Variants in BAZ2A observed in about 807,000 individuals in gnomAD.
BAZ2A encodes the protein bromodomain adjacent to zinc finger domain protein 2A.
Under a neutral mutation model 199.9 loss-of-function variants are expected in BAZ2A, and 34 were observed. That is an observed-to-expected ratio of 0.17 (90% CI 0.13 to 0.23). The LOEUF is 0.23. Ranked by LOEUF, BAZ2A falls within the 10% of genes least tolerant of loss-of-function variation. The pLI is 1.00. For missense variants in BAZ2A, 2,002 were observed against 2,391.1 expected (o/e 0.84, Z 3.39); for synonymous variants, 857 against 883.9 (o/e 0.97, Z 0.54).
At position 56,609,831 on chromosome 12, in the gene BAZ2A, T is replaced by C. The variant is rs1950504586; in HGVS notation, c.1997A>G (p.Lys666Arg). 1.2e-6 allele frequency: 2 copies of C among 1,613,872 alleles called. No individual in the cohort carries two copies. Among genetic ancestry groups the C allele is most frequent in the African/African-American group, 2.7e-5 (2 of 75,024 alleles). Residue 666 changes from lysine (K) to arginine (R), a missense_variant, in exon 10 of 29, where the codon AAG (lysine) becomes AGG (arginine). By Grantham distance (26) the Lys-to-Arg change is conservative. Transcript: ENST00000549884. ...TEKAKTKEVP[K>R]VKRGRGRPPK... is the part of the protein sequence containing the mutation. The stretch of plus-strand genomic sequence containing the variant: ...TGGCCGACCTCGACCCCGTTTCACC[T>C]TGGGGACTTCCTTAGTCTTAGCCTT...
intron 1 of BAZ2A, 170 bp downstream of exon 1, chr12:56,629,955 G>A (rs1466015668): frequency 1.2e-5 from 5 of 418,592 alleles, no homozygotes; most frequent in Non-Finnish European, 1.6e-5. Context: ...CCAGACCCCA[G>A]AGCAAGGAGA....
intron 2 of BAZ2A, among the ~76,000 whole-genome samples, chr12:56,616,283 G>A (rs1046363969): frequency 6.6e-6 from 1 of 152,114 alleles, no homozygotes; most frequent in Non-Finnish European, 1.5e-5. Context: ...ATTCCCTAGG[G>A]GATTTCTTCC....
At position 56,617,422 on chromosome 12, in the gene BAZ2A, G is replaced by A. The variant is rs1950758577; in HGVS notation, c.109C>T (p.Pro37Ser). 6.2e-7 allele frequency: 1 copy of A among 1,603,532 alleles called. No individual in the cohort carries two copies. Among genetic ancestry groups the A allele is most frequent in the African/African-American group, 1.3e-5 (1 of 74,642 alleles). Residue 37 changes from proline to serine, a missense_variant, in exon 2 of 29, where the codon CCC becomes TCC. Around this residue, in one of 6 missense-constraint regions of BAZ2A, gnomAD observed 641 missense variants for 694.5 expected, o/e 0.92. Transcript: ENST00000549884. Reference sequence around the variant, plus strand: ...TTCCCTTGCTGGGGGAAGTTCATGGGAGACCCGTTAGTGTAGAGGCCCTCC... The same window carrying A: ...TTCCCTTGCTGGGGGAAGTTCATGGAAGACCCGTTAGTGTAGAGGCCCTCC... ...SGEGLYTNGS[P>S]MNFPQQGKSL... is the part of the protein sequence containing the mutation.
In BAZ2A at chr12:56,635,386, G is replaced by A. The variant is rs1951425649; in HGVS notation, c.4+796C>T. Among the ~76,000 whole-genome samples, 1 of 152,108 alleles carries A rather than the reference G, an allele frequency of 6.6e-6. No individual in the cohort carries two copies. The highest frequency in any genetic ancestry group is 6.5e-5 in the Admixed American group (1 of 15,284). ...TCCTAGGAGGCCTAGGGGTGCAGGA[G>A]AGGGAACTCAAGGCCGAGCCTGCTG... On this transcript the variant is annotated intron_variant, in intron 1 of 29. Coordinates refer to the BAZ2A transcript ENST00000379441. The surrounding 1 kb of genome is among the most constrained non-coding windows in gnomAD (Gnocchi z 4.1).
rs1207352551 is a variant in BAZ2A, at chr12:56,598,391, C to A, written c.*227G>T. ...TTTCTTTCTTTTTTTGGCTTTTAGT[C>A]CAGAAGGACCTCATCTCTGCACCTC... On this transcript the variant is annotated 3_prime_UTR_variant, in exon 29 of 29. Coordinates refer to ENST00000549884, the MANE Select transcript of BAZ2A (RefSeq NM_001300905.2). The A allele has an allele frequency of 4.2e-6, 2 of 475,416 alleles. No homozygotes were observed. The highest frequency in any genetic ancestry group is 9.1e-5 in the South Asian group (2 of 21,952). 29.4% of individuals were successfully genotyped at this position (475,416 alleles called of 1,614,324 possible).
chr12:56,600,522 G>A, intron 23 of BAZ2A, 32 bp from the exon 24 acceptor site: 1 of 1,587,938 alleles, frequency 6.3e-7, no homozygotes. Flanking sequence ...AAAACTCACT[G>A]TAAAAGGAGG....
chr12:56,598,600 C>T lies in BAZ2A; in HGVS notation c.*18G>A. ...GGTGGGGGGAGATGCCACAAGGTGA[C>T]TCCCCACCTCCCTTGCCTCACAGAT... On this transcript the variant is annotated 3_prime_UTR_variant, in exon 29 of 29. Coordinates refer to ENST00000549884, the MANE Select transcript of BAZ2A (RefSeq NM_001300905.2). 1.2e-6 allele frequency: 2 copies of T among 1,610,478 alleles called. No homozygotes were observed. The highest frequency in any genetic ancestry group is 1.7e-6 in the Non-Finnish European group (2 of 1,178,722).
At position 56,600,487 on chromosome 12, in the gene BAZ2A, A is replaced by T; in HGVS notation, c.4606T>A (p.Trp1536Arg). ...VIMSDLQIRGWTCPSPDSTRE... is the reference protein window; with the variant it reads ...VIMSDLQIRGRTCPSPDSTRE... The stretch of plus-strand genomic sequence containing the variant: ...GTAGAGTCTGGGCTAGGACATGTCC[A>T]GCCCTTCAGTTAAGAGAGAGGAATA... Residue 1536 changes from tryptophan (W) to arginine (R), a missense_variant, in exon 24 of 29, where the codon TGG becomes AGG. By Grantham distance (101) the Trp-to-Arg change is moderately radical. Transcript: ENST00000549884. The T allele has an allele frequency of 6.2e-7, 1 of 1,612,354 alleles. No homozygotes were observed. Among genetic ancestry groups the T allele is most frequent in the Admixed American group, 1.7e-5 (1 of 60,010 alleles).
Position 56,600,842 on chromosome 12 carries a change from G to C in BAZ2A, c.4451-10C>G, listed in dbSNP as rs750835352. 5 of 1,613,162 alleles carry C rather than the reference G, an allele frequency of 3.1e-6. No homozygotes were observed. The Admixed American group carries it at 6.7e-5, about 22-fold the overall frequency. ...GGCTCAAAGATGGGGTCTGAGAAGA[G>C]AGGTGGCAGAGGGAGAGGCCCATCA... On this transcript the variant is annotated splice_polypyrimidine_tract_variant and intron_variant, in intron 22 of 28. Coordinates refer to ENST00000549884, the MANE Select transcript of BAZ2A (RefSeq NM_001300905.2).
rs1466281780 is a variant in BAZ2A at position 56,598,009 on chromosome 12, T to TA, written c.*608dup. ...AAAGGAGGGAGGAACCCGTACACGA[T>TA]AGTTTTACATTATTGGATGAGAGAA... On this transcript the variant is annotated 3_prime_UTR_variant, in exon 29 of 29. Coordinates refer to ENST00000549884, the MANE Select transcript of BAZ2A (RefSeq NM_001300905.2). The TA allele has an allele frequency of 6.6e-6, 1 of 152,040 alleles. No homozygotes were observed. The highest frequency in any genetic ancestry group is 1.5e-5 in the Non-Finnish European group (1 of 68,136). 9.4% of individuals were successfully genotyped at this position (152,040 alleles called of 1,614,324 possible). A position where few individuals can be genotyped will look rare whatever the true frequency, so the allele number is the denominator to read the frequency against.
upstream of BAZ2A, chr12:56,636,472 A>G: frequency 3.1e-6 from 3 of 975,318 alleles, no homozygotes; most frequent in Non-Finnish European, 2.8e-6. Flanking sequence ...ATATGGAGGA[A>G]GGTTAGAGAG....
chr12:56,602,019 G>C lies in BAZ2A; in HGVS notation c.3598C>G (p.Pro1200Ala). 6.4e-7 allele frequency: 1 copy of C among 1,554,628 alleles called. No homozygotes were observed. The highest frequency in any genetic ancestry group is 8.7e-7 in the Non-Finnish European group (1 of 1,148,484). ...CTGACAGGGGACTTAAGATGCCTAG[G>C]TTGCATAGACCCGGGCTTAGTTTTT... is the stretch of plus-strand genomic sequence containing the variant. The part of the protein sequence containing the change: ...PRKTKPGSMQ[P>A]RHLKSPVRGQ... Residue 1200 changes from proline to alanine, a missense_variant, in exon 20 of 29, where the codon CCT becomes GCT. Pro to Ala is a conservative substitution (Grantham distance 27). Around this residue, in one of 6 missense-constraint regions of BAZ2A, gnomAD observed 1,081 missense variants for 1,274.7 expected, o/e 0.85. Coordinates refer to ENST00000549884, the MANE Select transcript of BAZ2A (RefSeq NM_001300905.2).
At chr12:56,622,129 A>C (rs1950939481) in intron 1 of BAZ2A, among the ~76,000 whole-genome samples, 1 of 152,136 alleles carries the variant, frequency 6.6e-6, no homozygotes, top group Non-Finnish European at 1.5e-5. Context: ...ACCTGAAGTC[A>C]AGAGTTCGAA....
Position 56,601,974 on chromosome 12 carries a change from G to C in BAZ2A, c.3643C>G (p.Pro1215Ala), listed in dbSNP as rs1276589843. The change falls in exon 20 of 29, where the codon CCC (proline) becomes GCC (alanine). Residue 1215 changes from proline (P) to alanine (A), a missense_variant. By Grantham distance (27) the Pro-to-Ala change is conservative. This residue lies in a region of BAZ2A where 1,081 missense variants were observed against 1,274.7 expected (regional missense o/e 0.85). Transcript: ENST00000549884. ...GCCTCAGGCTGAAGCTGGGCCTGGG[G>C]CTGTTCTGAATCCTGACCCCTGACA... ...SPVRGQDSEQ[P>A]QAQLQPEAQL... The C allele has an allele frequency of 6.4e-7, 1 of 1,559,352 alleles. No individual in the cohort carries two copies. The highest frequency in any genetic ancestry group is 8.7e-7 in the Non-Finnish European group (1 of 1,151,144).
chr12:56,637,409 T>G (rs916744654), upstream of BAZ2A, among the ~76,000 whole-genome samples: 5 of 152,234 alleles, frequency 3.3e-5, no homozygotes, highest in African/African-American at 1.2e-4. Context: ...TAAGATTATC[T>G]TTTCTGGACT....
intron 3 of BAZ2A, among the ~76,000 whole-genome samples, chr12:56,614,585 G>A (rs1950658748): frequency 6.6e-6 from 1 of 152,170 alleles, no homozygotes; most frequent in Non-Finnish European, 1.5e-5. Flanking sequence ...TGCTCTGCCT[G>A]CTTCCTTCCC....
intron 1 of BAZ2A, among the ~76,000 whole-genome samples, chr12:56,623,362 A>T (rs1182692223): frequency 1.3e-5 from 2 of 152,182 alleles, no homozygotes; most frequent in African/African-American, 4.8e-5. Flanking sequence ...ACCCCCCAGG[A>T]CAACAAGACA....
chr12:56,605,338 A>G lies in BAZ2A; in HGVS notation c.2494-11T>C. The G allele has an allele frequency of 6.3e-7, 1 of 1,599,330 alleles. No individual in the cohort carries two copies. Among genetic ancestry groups the G allele is most frequent in the Non-Finnish European group, 8.6e-7 (1 of 1,169,472 alleles). ...GAAGTCAGGCAGGGGCTAGAGAGAGAAAAGTGAGTAGAGAGTTCTGTTAAA... is the reference window on the plus strand; with the variant it reads ...GAAGTCAGGCAGGGGCTAGAGAGAGGAAAGTGAGTAGAGAGTTCTGTTAAA... On this transcript the variant is annotated splice_polypyrimidine_tract_variant and intron_variant, in intron 13 of 28. Transcript: ENST00000549884.
At chr12:56,623,817 G>A (rs971323582) in intron 1 of BAZ2A, among the ~76,000 whole-genome samples, 1 of 152,150 alleles carries the variant, frequency 6.6e-6, no homozygotes, top group African/African-American at 2.4e-5. Context: ...GAGAAACCCT[G>A]TTCTAATGTA....
Sources: gnomAD v4.1 joint callset for allele counts (sites outside exome capture counted in the v4.1 genomes callset) on GRCh38, gnomAD v4.1.1 for gene constraint, gnomAD v4.1.1 regional missense constraint, Gnocchi (gnomAD v3.1) non-coding constraint, MANE v1.5 for transcripts, NCBI Gene and HGNC (gene_info 2026-07-23, HGNC 2026-07-21) for gene names.